The following FNBP1L variants were observed in gnomAD, a reference collection of about 807,000 sequenced individuals.
FNBP1L encodes formin-binding protein 1-like.
A neutral mutation model predicts 91.2 loss-of-function variants in FNBP1L; 36 were observed. The observed-to-expected ratio is 0.39, with a 90% CI of 0.30 to 0.52. The LOEUF is 0.52. Among genes scored for constraint, FNBP1L ranks in the 20% least tolerant of loss-of-function variants. The pLI is 0.66. For missense variants in FNBP1L, 571 were observed against 732.1 expected, an observed-to-expected ratio of 0.78 and a Z score of 2.54; for synonymous variants, 242 against 237.0, an observed-to-expected ratio of 1.02 and a Z score of -0.19.
intron 1 of FNBP1L, among the ~76,000 whole-genome samples, chr1:93,457,344 C>T (rs1668705637): frequency 6.6e-6 from 1 of 152,206 alleles, no homozygotes; most frequent in South Asian, 2.1e-4. Flanking sequence ...CTGTGAGACT[C>T]ATCCTTCCGT....
At chr1:93,461,318 A>G (rs1232587257) in intron 1 of FNBP1L, among the ~76,000 whole-genome samples, 2 of 152,192 alleles carry the variant, frequency 1.3e-5, no homozygotes, top group Non-Finnish European at 2.9e-5. Context: ...TTGATGTCAC[A>G]TATACCATTG....
chr1:93,517,770 C>G (rs1486901901), intron 2 of FNBP1L, among the ~76,000 whole-genome samples: 2 of 151,712 alleles, frequency 1.3e-5, no homozygotes, highest in Non-Finnish European at 2.9e-5. Flanking sequence ...TGTAGATGGT[C>G]TTTAGCTACC....
intron 2 of FNBP1L, among the ~76,000 whole-genome samples, chr1:93,504,023 T>C (rs1465251099): frequency 6.6e-6 from 1 of 152,156 alleles, no homozygotes; most frequent in African/African-American, 2.4e-5. Context: ...GTGCACAAAC[T>C]ACTCTTATTT....
At chr1:93,460,269 C>T (rs1192046870) in intron 1 of FNBP1L, among the ~76,000 whole-genome samples, 3 of 152,132 alleles carry the variant, frequency 2.0e-5, no homozygotes, top group Non-Finnish European at 4.4e-5. Flanking sequence ...TTCCTATTTG[C>T]CCTTTTGGTG....
At chr1:93,541,666 A>G (rs369058831) in intron 11 of FNBP1L, among the ~76,000 whole-genome samples, 1 of 152,122 alleles carries the variant, frequency 6.6e-6, no homozygotes, top group Non-Finnish European at 1.5e-5. Context: ...TAATGGATCT[A>G]CATTAGGAAC....
intron 2 of FNBP1L, among the ~76,000 whole-genome samples, chr1:93,517,487 T>A (rs1172324891): frequency 1.3e-5 from 2 of 152,198 alleles, no homozygotes; most frequent in Non-Finnish European, 2.9e-5. Flanking sequence ...ACACCTCACC[T>A]GGCTTGTCTG....
chr1:93,448,377 A>G (rs1668341748), intron 1 of FNBP1L, 72 bp downstream of exon 1: 1 of 1,435,280 alleles, frequency 7.0e-7, no homozygotes, highest in Non-Finnish European at 9.1e-7. Context: ...GGCGCCGCGG[A>G]CCCTCGGCGG....
intron 2 of FNBP1L, among the ~76,000 whole-genome samples, chr1:93,500,630 A>T (rs1355708634): frequency 6.7e-6 from 1 of 149,470 alleles, no homozygotes; most frequent in Admixed American, 6.6e-5. Context: ...ATTTACTAAT[A>T]CTGACTTATA....
intron 2 of FNBP1L, among the ~76,000 whole-genome samples, chr1:93,503,398 G>C (rs972290042): frequency 2.6e-4 from 40 of 152,242 alleles, no homozygotes; most frequent in African/African-American, 9.1e-4. Flanking sequence ...TTCAAGATGA[G>C]ATTTGGGTAA....
rs60182734 is a variant in FNBP1L, at chr1:93,515,492, A to T, written c.141-6590A>T. Among the ~76,000 whole-genome samples, 323 of 152,282 alleles carry T rather than the reference A, an allele frequency of 2.1e-3. 5 individuals are homozygous for T. The East Asian group carries it at 0.044, about 21-fold the overall frequency. On this transcript the variant is annotated intron_variant, in intron 2 of 16. Coordinates refer to ENST00000271234, the MANE Select transcript of FNBP1L (RefSeq NM_001164473.3). Reference sequence around the variant, plus strand: ...TATATTTATTGCGGCATTATTCGCAATAGCAAAGACTTGGAACCAACCCAA... The same window carrying T: ...TATATTTATTGCGGCATTATTCGCATTAGCAAAGACTTGGAACCAACCCAA...
chr1:93,524,138 G>T, intron 4 of FNBP1L, 123 bp from the exon 5 acceptor site: 2 of 710,428 alleles, frequency 2.8e-6, no homozygotes, highest in Non-Finnish European at 4.1e-6. Flanking sequence ...TTAGTACCTT[G>T]AAAAAAATAA....
At chr1:93,527,640 G>A (rs1863500) in intron 5 of FNBP1L, among the ~76,000 whole-genome samples, 146,884 of 152,138 alleles carry the variant, frequency 0.97, 71,087 homozygotes, top group Non-Finnish European at 1. Flanking sequence ...CCAAGGAAAC[G>A]AACTCCCTGG....
chr1:93,516,408 C>A (rs1213709807), intron 2 of FNBP1L, among the ~76,000 whole-genome samples: 1 of 152,180 alleles, frequency 6.6e-6, no homozygotes, highest in Non-Finnish European at 1.5e-5. Context: ...ATTCAAGTTC[C>A]ACCCACAGGA....
chr1:93,487,238 T>G (rs1395965806), intron 1 of FNBP1L, among the ~76,000 whole-genome samples: 2 of 152,196 alleles, frequency 1.3e-5, no homozygotes, highest in African/African-American at 4.8e-5. Flanking sequence ...AAATGTTGGC[T>G]TTTAATTTTG....
chr1:93,500,789 T>TA (rs1670418762), intron 2 of FNBP1L, among the ~76,000 whole-genome samples: 1 of 152,178 alleles, frequency 6.6e-6, no homozygotes, highest in African/African-American at 2.4e-5. Flanking sequence ...ACTAGAGTAA[T>TA]AAAAAGCTTG....
chr1:93,450,103 A>G (rs1162924593), intron 1 of FNBP1L, among the ~76,000 whole-genome samples: 1 of 152,210 alleles, frequency 6.6e-6, no homozygotes, highest in Admixed American at 6.5e-5. Context: ...TTCACTTTGT[A>G]TCACACTAAA....
At chr1:93,530,580 TATAAAA>T in intron 6 of FNBP1L, among the ~76,000 whole-genome samples, 169 bp from the exon 7 acceptor site, 1 of 141,526 alleles carries the variant, frequency 7.1e-6, no homozygotes, top group African/African-American at 3.2e-5. Flanking sequence ...TGTCTTTAAA[TATAAAA>T]TATATTTTAA....
chr1:93,457,271 C>T (rs1350221687), intron 1 of FNBP1L, among the ~76,000 whole-genome samples: 1 of 152,178 alleles, frequency 6.6e-6, no homozygotes, highest in Non-Finnish European at 1.5e-5. Flanking sequence ...GGTAAGTACT[C>T]TTTTGCACCT....
At chr1:93,545,870 T>G in intron 12 of FNBP1L, among the ~76,000 whole-genome samples, 1 of 151,490 alleles carries the variant, frequency 6.6e-6, no homozygotes, top group Non-Finnish European at 1.5e-5. Flanking sequence ...AAAAAAGATT[T>G]GTAGCTATAG....
Sources: gnomAD v4.1 joint callset for allele counts (sites outside exome capture counted in the v4.1 genomes callset) on GRCh38, gnomAD v4.1.1 for gene constraint, MANE v1.5 for transcripts, NCBI Gene and HGNC (gene_info 2026-07-23, HGNC 2026-07-21) for gene names.